The following NWD1 variants were observed in gnomAD, a reference collection of about 807,000 sequenced individuals.
NWD1 encodes NACHT and WD repeat domain containing 1, also known as NACHT domain- and WD repeat-containing protein 1.
Under a neutral mutation model 135.1 loss-of-function variants are expected in NWD1, and 129 were observed. That is an observed-to-expected ratio of 0.96 (90% confidence interval 0.83 to 1.11). The LOEUF (loss-of-function observed/expected upper bound fraction) is 1.11. Ranked by LOEUF, NWD1 falls within the 50% of genes least tolerant of loss-of-function variation. The pLI, the probability that NWD1 is intolerant of heterozygous loss-of-function variation, is 0.00. For synonymous variants in NWD1, 773 were observed against 786.0 expected (o/e 0.98, Z 0.28); for missense variants, 1,740 against 1,851.3 (o/e 0.94, Z 1.10).
intron 4 of NWD1, 80 bp from the exon 5 acceptor site, chr19:16,744,341 C>A: frequency 8.0e-7 from 1 of 1,249,106 alleles, no homozygotes; most frequent in Non-Finnish European, 1.1e-6. Flanking sequence ...TGTACCACCG[C>A]ACTCCAGCCT....
At chr19:16,722,130 A>C (rs1167373461) in intron 1 of NWD1, among the ~76,000 whole-genome samples, 1 of 151,150 alleles carries the variant, frequency 6.6e-6, no homozygotes, top group African/African-American at 2.4e-5. Context: ...AAACAACAAC[A>C]ACAACAACAA....
chr19:16,764,318 GT>G (rs1165386018), intron 9 of NWD1, among the ~76,000 whole-genome samples: 2 of 151,986 alleles, frequency 1.3e-5, no homozygotes, highest in African/African-American at 4.8e-5. Context: ...TTGTCAGTCT[GT>G]TCATCCACCT....
At chr19:16,809,069 CA>C (rs1170444919) in intron 18 of NWD1, among the ~76,000 whole-genome samples, 1 of 151,976 alleles carries the variant, frequency 6.6e-6, no homozygotes, top group Non-Finnish European at 1.5e-5. Flanking sequence ...AAACAAAAAA[CA>C]AAAACTCAGC....
At chr19:16,794,885 G>A (rs1366573654) in intron 15 of NWD1, among the ~76,000 whole-genome samples, 4 of 151,906 alleles carry the variant, frequency 2.6e-5, no homozygotes, top group African/African-American at 9.7e-5. Context: ...GGGCTCAAAC[G>A]ATCCTCCCAC....
At chr19:16,756,063 A>G (rs908996373) in intron 6 of NWD1, among the ~76,000 whole-genome samples, 3 of 152,104 alleles carry the variant, frequency 2.0e-5, no homozygotes, top group African/African-American at 7.2e-5. Flanking sequence ...ACAACAAAAC[A>G]AGGTAGAGAA....
intron 3 of NWD1, among the ~76,000 whole-genome samples, chr19:16,735,474 C>T (rs1967754282): frequency 6.7e-6 from 1 of 150,054 alleles, no homozygotes; most frequent in African/African-American, 2.5e-5. Flanking sequence ...CCACTAAGCT[C>T]CAGCCTGGGT....
At chr19:16,806,915 A>C (rs567683494) in intron 17 of NWD1, among the ~76,000 whole-genome samples, 83 of 149,978 alleles carry the variant, frequency 5.5e-4, no homozygotes, top group African/African-American at 2.0e-3. Context: ...TACCCGGGAG[A>C]CTGAGGTGGG....
At chr19:16,773,476 T>C (rs1018540236) in intron 11 of NWD1, among the ~76,000 whole-genome samples, 153 bp downstream of exon 11, 1 of 152,182 alleles carries the variant, frequency 6.6e-6, no homozygotes, top group African/African-American at 2.4e-5. Context: ...TGTCTCATGC[T>C]GAATCAGCTC....
intron 12 of NWD1, among the ~76,000 whole-genome samples, chr19:16,788,279 AT>A (rs1235428183): frequency 2.1e-4 from 28 of 135,162 alleles, no homozygotes; most frequent in Admixed American, 1.1e-3. Context: ...AATAATAATA[AT>A]AATAAAAGGC....
intron 2 of NWD1, among the ~76,000 whole-genome samples, chr19:16,728,284 T>G (rs1967409279): frequency 7.3e-6 from 1 of 137,814 alleles, no homozygotes; most frequent in Non-Finnish European, 1.7e-5. Flanking sequence ...CACTGCTCTT[T>G]TTTTTTTTTT....
At chr19:16,771,565 G>A (rs891654825) in intron 10 of NWD1, among the ~76,000 whole-genome samples, 2 of 152,342 alleles carry the variant, frequency 1.3e-5, no homozygotes, top group South Asian at 4.1e-4. Flanking sequence ...TGTAAACCTT[G>A]ATGGAGCAAC....
chr19:16,774,657 C>T (rs889502030), intron 11 of NWD1, among the ~76,000 whole-genome samples: 1 of 152,008 alleles, frequency 6.6e-6, no homozygotes, highest in Non-Finnish European at 1.5e-5. Context: ...TCCATCCACC[C>T]ACCCTTCCAT....
intron 11 of NWD1, among the ~76,000 whole-genome samples, chr19:16,776,450 C>G (rs1403254612): frequency 1.3e-5 from 2 of 151,852 alleles, no homozygotes; most frequent in East Asian, 3.9e-4. Context: ...CACCTGTAAT[C>G]CCAGCTACTC....
intron 5 of NWD1, among the ~76,000 whole-genome samples, chr19:16,747,257 G>A (rs1012037484): frequency 4.6e-5 from 7 of 151,572 alleles, no homozygotes; most frequent in Admixed American, 1.3e-4. Flanking sequence ...GGCTGGTCTC[G>A]AACTCCTGAC....
intron 17 of NWD1, among the ~76,000 whole-genome samples, chr19:16,802,286 T>TAAAAAAAAATAA (rs1555733468): frequency 6.9e-6 from 1 of 143,948 alleles, no homozygotes; most frequent in African/African-American, 2.6e-5. Flanking sequence ...AATAAATAAA[T>TAAAAAAAAATAA]AAATAAAAAT....
chr19:16,765,155 C>A lies in NWD1; in HGVS notation c.2373C>A (p.Leu791=), dbSNP rs1285859564. The change falls in exon 10 of 19, where the codon CTC becomes CTA. Residue 791 remains leucine, a synonymous_variant. Transcript: ENST00000524140. ...AGGTTGGCCTGGTCCGTGAAGCCCT[C>A]CAGCTCTGCCGCCCTGCTGTGGAGC... The part of the protein sequence containing the change: ...SPEVGLVREA[L]QLCRPAVELR... 1.9e-6 allele frequency: 3 copies of A among 1,614,138 alleles called. No homozygotes were observed. In the South Asian group the frequency reaches 3.3e-5, roughly 18 times the overall value.
chr19:16,769,823 C>G (rs1210625323), intron 10 of NWD1, among the ~76,000 whole-genome samples: 1 of 152,198 alleles, frequency 6.6e-6, no homozygotes. Flanking sequence ...TGTTTTCCAT[C>G]TGTCTTGGCT....
chr19:16,790,746 C>G (rs1189291768), intron 13 of NWD1, among the ~76,000 whole-genome samples: 1 of 152,018 alleles, frequency 6.6e-6, no homozygotes, highest in Non-Finnish European at 1.5e-5. Context: ...TATAAACCAT[C>G]TCAATAATAA....
chr19:16,786,228 G>A lies in NWD1; in HGVS notation c.2732-2754G>A, dbSNP rs143704868. Among the ~76,000 whole-genome samples, 114 of 151,622 alleles carry A rather than the reference G, an allele frequency of 7.5e-4. 2 individuals carry two copies. Among genetic ancestry groups the A allele is most frequent in the East Asian group, 6.6e-3 (34 of 5,150 alleles). ...CTCACTATGTTGCCCGGCTTGTCTC[G>A]GACTCCTGGGCTCAAGTGACCCTCC... On this transcript the variant is annotated intron_variant, in intron 12 of 18. Coordinates refer to ENST00000524140, the MANE Select transcript of NWD1 (RefSeq NM_001007525.5).
Sources: allele counts gnomAD v4.1 joint callset (sites outside exome capture counted in the v4.1 genomes callset), GRCh38; gene constraint gnomAD v4.1.1; transcripts MANE v1.5; gene names NCBI Gene and HGNC (gene_info 2026-07-23, HGNC 2026-07-21).